Variants in EED observed in about 807,000 individuals in gnomAD.
EED encodes the protein polycomb protein EED.
In EED, 9 loss-of-function variants were observed where a neutral mutation model predicts 61.0. The observed-to-expected ratio is 0.15, with a 90% CI of 0.09 to 0.26. EED has a LOEUF of 0.26. Ranked by LOEUF, EED falls within the 10% of genes least tolerant of loss-of-function variation. The probability of loss-of-function intolerance (pLI) is 1.00; values close to 1 mark genes in which losing one functional copy is unlikely to be tolerated. For synonymous variants in EED, 187 were observed against 174.4 expected, an observed-to-expected ratio of 1.07 and a Z score of -0.57; for missense variants, 315 against 542.3, an observed-to-expected ratio of 0.58 and a Z score of 4.16.
At chr11:86,277,249 G>A in intron 10 of EED, 111 bp downstream of exon 10, 3 of 1,011,258 alleles carry the variant, frequency 3.0e-6, no homozygotes, top group Non-Finnish European at 1.4e-6. Flanking sequence ...CTACCCTGAT[G>A]TTTTGTATTG....
chr11:86,283,160 T>G (rs1946342053), downstream of EED, among the ~76,000 whole-genome samples: 1 of 138,878 alleles, frequency 7.2e-6, no homozygotes, highest in East Asian at 2.0e-4. Context: ...AAATAAGTCT[T>G]AAGGAGGCCC....
intron 3 of EED, among the ~76,000 whole-genome samples, chr11:86,252,536 C>A (rs1258168412): frequency 7.3e-6 from 1 of 137,484 alleles, no homozygotes; most frequent in South Asian, 2.2e-4. Context: ...TTTTAATTGG[C>A]GTTCTTTTTA....
chr11:86,245,136 C>T lies in EED; in HGVS notation c.-94C>T. 1 of 987,802 alleles carries T rather than the reference C, an allele frequency of 1.0e-6. No homozygotes were observed. The allele number at this position is 987,802 out of a possible 1,614,324, so 61.2% of individuals were successfully genotyped here. A position where few individuals can be genotyped will look rare whatever the true frequency, so the allele number is the denominator to read the frequency against. On this transcript the variant is annotated 5_prime_UTR_variant, in exon 1 of 12. Transcript: ENST00000263360. ...GCGGTGGAGGTGGCGGCGGCAGCGGCAACTTTGCGGCAAGCTCGGGCCGGG... is the reference window on the plus strand; with the variant it reads ...GCGGTGGAGGTGGCGGCGGCAGCGGTAACTTTGCGGCAAGCTCGGGCCGGG...
intron 6 of EED, 141 bp downstream of exon 6, chr11:86,257,737 CAAAA>C: frequency 3.3e-6 from 2 of 603,884 alleles, no homozygotes; most frequent in South Asian, 5.4e-5. Context: ...TAAAAACTCA[CAAAA>C]AAACACAACC....
intron 9 of EED, among the ~76,000 whole-genome samples, chr11:86,274,300 TA>T (rs1367611080): frequency 6.6e-6 from 1 of 152,214 alleles, no homozygotes; most frequent in African/African-American, 2.4e-5. Context: ...ATTCCTGCCT[TA>T]AATCTATGTC....
downstream of EED, among the ~76,000 whole-genome samples, chr11:86,281,938 T>C (rs972039039): frequency 5.9e-5 from 9 of 152,278 alleles, no homozygotes; most frequent in Non-Finnish European, 1.2e-4. Context: ...TTGAGTATTA[T>C]GTTTCCGAAA....
intron 3 of EED, among the ~76,000 whole-genome samples, chr11:86,253,442 T>C (rs1945586587): frequency 1.3e-5 from 2 of 152,228 alleles, no homozygotes; most frequent in Non-Finnish European, 2.9e-5. Context: ...AGTGTGCTGA[T>C]TGCAGTGTTT....
the EED span, among the ~76,000 whole-genome samples, chr11:86,285,883 G>A: frequency 6.6e-6 from 1 of 152,056 alleles, no homozygotes; most frequent in Admixed American, 6.5e-5. Context: ...ACAGGTGTGA[G>A]CCACCAGGCC....
chr11:86,250,301 C>T lies in EED; in HGVS notation c.120C>T (p.Asp40=), dbSNP rs774569385. ...TCCTCATTTACTGCTTACAGGATGA[C>T]GCTGTCAGTATAGAAAGTGGTACAA... is the stretch of plus-strand genomic sequence containing the variant. The part of the protein sequence containing the change: ...NPDLSGDEND[D]AVSIESGTNT... The change falls in exon 2 of 12, where the codon GAC becomes GAT. Residue 40 remains aspartate, a synonymous_variant. Coordinates refer to ENST00000263360, the MANE Select transcript of EED (RefSeq NM_003797.5). 23 of 1,555,628 alleles carry T rather than the reference C, an allele frequency of 1.5e-5. No homozygotes were observed. The highest frequency in any genetic ancestry group is 2.0e-5 in the Admixed American group (1 of 48,820).
intron 6 of EED, among the ~76,000 whole-genome samples, chr11:86,260,516 A>ACTGCAACTGGC (rs6144421): frequency 2.0e-5 from 3 of 151,600 alleles, no homozygotes. Flanking sequence ...GGTGTGAGCT[A>ACTGCAACTGGC]CTGCTGTACA....
At chr11:86,268,672 T>C (rs1036743452) in intron 9 of EED, 111 bp downstream of exon 9, 6 of 606,622 alleles carry the variant, frequency 9.9e-6, no homozygotes, top group African/African-American at 1.9e-5. Flanking sequence ...CTTTATGTAG[T>C]TTATTAAATT....
At chr11:86,268,762 C>A (rs1946045405) in intron 9 of EED, among the ~76,000 whole-genome samples, 1 of 151,984 alleles carries the variant, frequency 6.6e-6, no homozygotes, top group South Asian at 2.1e-4. Context: ...ATAAAACATG[C>A]CATTGAATTA....
At chr11:86,274,637 T>C (rs1355145067) in intron 9 of EED, among the ~76,000 whole-genome samples, 2 of 152,184 alleles carry the variant, frequency 1.3e-5, no homozygotes, top group African/African-American at 2.4e-5. Context: ...AGGCTCTCCG[T>C]AGGCCTCAGC....
the EED span, among the ~76,000 whole-genome samples, chr11:86,285,818 G>A: frequency 1.3e-5 from 2 of 151,922 alleles, no homozygotes; most frequent in Non-Finnish European, 2.9e-5. Flanking sequence ...GGATGGTCTC[G>A]AACTCCTGAC....
At chr11:86,282,854 G>A (rs291251), downstream of EED, among the ~76,000 whole-genome samples, 44,059 of 152,052 alleles carry the variant, frequency 0.29, 6,744 homozygotes, top group Non-Finnish European at 0.36. Context: ...CAGTGGTGGA[G>A]CATAGTGGCT....
Position 86,244,990 on chromosome 11 carries a change from A to T in EED, c.-240A>T, listed in dbSNP as rs1315650966. On this transcript the variant is annotated 5_prime_UTR_variant, in exon 1 of 12. Transcript: ENST00000263360. ...GAAAAGGGCAAGACGGGAGTTGGGG[A>T]AGGGAAGGAGCCAGGAAGCCGCGCG... is the stretch of plus-strand genomic sequence containing the variant. The T allele has an allele frequency of 2.4e-6, 1 of 417,956 alleles. No homozygotes were observed. The highest frequency in any genetic ancestry group is 4.3e-6 in the Non-Finnish European group (1 of 233,582). The allele number at this position is 417,956 out of a possible 1,614,324, so 25.9% of individuals were successfully genotyped here.
At position 86,273,751 on chromosome 11, in the gene EED, T is replaced by C. The variant is rs559407303; in HGVS notation, c.967-3229T>C. 2.6e-3 allele frequency among the ~76,000 whole-genome samples: 391 copies of C among 152,376 alleles called. 1 individual carries two copies. The highest frequency in any genetic ancestry group is 4.7e-3 in the Non-Finnish European group (319 of 68,030). ...CCCTCTTTGGCCTCCATAATTCCGA[T>C]GAGAAATTTGCTGTCACTGGAATTG... is the stretch of plus-strand genomic sequence containing the variant. On this transcript the variant is annotated intron_variant, in intron 9 of 11. Coordinates refer to ENST00000263360, the MANE Select transcript of EED (RefSeq NM_003797.5).
At chr11:86,279,758 T>C (rs1201129890), downstream of EED, among the ~76,000 whole-genome samples, 1 of 152,236 alleles carries the variant, frequency 6.6e-6, no homozygotes, top group South Asian at 2.1e-4. Context: ...CACAGTTTAC[T>C]TCTCTGATAA....
chr11:86,269,922 A>G (rs1050340080), intron 9 of EED, among the ~76,000 whole-genome samples: 11 of 152,174 alleles, frequency 7.2e-5, no homozygotes, highest in Non-Finnish European at 1.2e-4. Context: ...GGTCATTTCC[A>G]GTTCTGGGCT....
Sources: allele counts gnomAD v4.1 joint callset (sites outside exome capture counted in the v4.1 genomes callset), GRCh38; gene constraint gnomAD v4.1.1; transcripts MANE v1.5; gene names NCBI Gene and HGNC (gene_info 2026-07-23, HGNC 2026-07-21).